Variants in BIRC2 observed in about 807,000 individuals in gnomAD.
BIRC2 encodes the protein baculoviral IAP repeat containing 2, also known as baculoviral IAP repeat-containing protein 2.
BIRC2 carries 18 observed loss-of-function variants against 60.9 expected under a neutral mutation model. The ratio of observed to expected loss-of-function variants is 0.30; its 90% confidence interval spans 0.20 to 0.44. The LOEUF (loss-of-function observed/expected upper bound fraction) is 0.44, where lower values mean the gene tolerates loss of function less well. Among genes scored for constraint, BIRC2 ranks in the 20% least tolerant of loss-of-function variants. The pLI, the probability that BIRC2 is intolerant of heterozygous loss-of-function variation, is 1.00. For missense variants in BIRC2, 701 were observed against 728.5 expected, an observed-to-expected ratio of 0.96 and a Z score of 0.43; for synonymous variants, 282 against 247.7, an observed-to-expected ratio of 1.14 and a Z score of -1.30.
intron 3 of BIRC2, 45 bp downstream of exon 3, chr11:102,350,988 A>G (rs1484523043): frequency 6.3e-7 from 1 of 1,578,168 alleles, no homozygotes; most frequent in South Asian, 1.1e-5. Flanking sequence ...CTCTGTGCTT[A>G]AAAGAAGTAG....
chr11:102,365,743 A>AGTGTGTGTGTGTGT (rs34130638), intron 5 of BIRC2, among the ~76,000 whole-genome samples: 29 of 147,568 alleles, frequency 2.0e-4, no homozygotes, highest in African/African-American at 6.5e-4. Context: ...CATTCAGCTA[A>AGTGTGTGTGTGTGT]GTGTGTGTGT....
At chr11:102,365,045 G>A (rs1951538235) in intron 5 of BIRC2, among the ~76,000 whole-genome samples, 1 of 152,102 alleles carries the variant, frequency 6.6e-6, no homozygotes, top group Admixed American at 6.5e-5. Context: ...TTATAATCTT[G>A]CTTCCCTAAG....
chr11:102,373,242 G>A (rs1184513196), intron 6 of BIRC2, among the ~76,000 whole-genome samples: 1 of 152,144 alleles, frequency 6.6e-6, no homozygotes. Context: ...CTCGTTAGTT[G>A]ATGCAGTTTC....
At chr11:102,354,770 T>A (rs1951402065) in intron 3 of BIRC2, among the ~76,000 whole-genome samples, 1 of 152,202 alleles carries the variant, frequency 6.6e-6, no homozygotes, top group Non-Finnish European at 1.5e-5. Flanking sequence ...TTGTCTCCGA[T>A]GATAATAAGG....
chr11:102,363,756 TA>T lies in BIRC2; in HGVS notation c.1123+41del, dbSNP rs1951511956. On this transcript the variant is annotated intron_variant, in intron 5 of 8. Transcript: ENST00000227758. Reference sequence around the variant, plus strand: ...ATTTTAAGTATAGAGTGTAAATTTTTATAAGAATTTTAGGAATAGGCTGGGT... The same window carrying T: ...ATTTTAAGTATAGAGTGTAAATTTTTTAAGAATTTTAGGAATAGGCTGGGT... The T allele has an allele frequency of 1.3e-6, 2 of 1,546,478 alleles. 1 individual carries two copies. Among genetic ancestry groups the T allele is most frequent in the East Asian group, 4.5e-5 (2 of 43,994 alleles).
Position 102,349,792 on chromosome 11 carries a change from T to G in BIRC2, c.-63T>G. 1 of 1,473,882 alleles carries G rather than the reference T, an allele frequency of 6.8e-7. No homozygotes were observed. The highest frequency in any genetic ancestry group is 9.1e-7 in the Non-Finnish European group (1 of 1,095,286). 91.3% of individuals were successfully genotyped at this position (1,473,882 alleles called of 1,614,324 possible). A position where few individuals can be genotyped will look rare whatever the true frequency, so the allele number is the denominator to read the frequency against. ...TTGATTTCTTTTTGTGGTAAAAATC[T>G]TAGTTCATGTGAAGAAATTTCATGT... is the stretch of plus-strand genomic sequence containing the variant. On this transcript the variant is annotated 5_prime_UTR_variant, in exon 2 of 9. Coordinates refer to ENST00000227758, the MANE Select transcript of BIRC2 (RefSeq NM_001166.5).
At chr11:102,359,894 A>C (rs1245675038) in intron 3 of BIRC2, among the ~76,000 whole-genome samples, 4 of 149,820 alleles carry the variant, frequency 2.7e-5, no homozygotes, top group Non-Finnish European at 6.0e-5. Context: ...TGAAGTTTTC[A>C]GCATTTTTTT....
intron 6 of BIRC2, among the ~76,000 whole-genome samples, chr11:102,369,751 C>T (rs1291065351): frequency 6.7e-6 from 1 of 148,938 alleles, no homozygotes; most frequent in African/African-American, 2.5e-5. Flanking sequence ...CTGACTTCCA[C>T]AATGCTTGAA....
In BIRC2 at chr11:102,350,352, T is replaced by A. The variant is rs1951343765; in HGVS notation, c.498T>A (p.Val166=). The part of the protein sequence containing the change: ...LSPNPLNSRA[V]EDISSSRTNP... ...CAAACCCTCTTAATTCTAGAGCAGT[T>A]GAAGACATCTCTTCATCGAGGACTA... The change falls in exon 2 of 9, where the codon GTT becomes GTA. Residue 166 remains valine, a synonymous_variant. Transcript: ENST00000227758. 2.5e-6 allele frequency: 4 copies of A among 1,614,234 alleles called. No individual in the cohort carries two copies. Among genetic ancestry groups the A allele is most frequent in the Non-Finnish European group, 3.4e-6 (4 of 1,180,042 alleles).
At position 102,378,132 on chromosome 11, in the gene BIRC2, C is replaced by T. The variant is rs773571874; in HGVS notation, c.1806C>T (p.Cys602=). ...CQECAPSLRK[C]PICRGIIKGT... ...AATGTGCCCCTTCTCTAAGAAAATG[C>T]CCTATTTGCAGGGGTATAATCAAGG... Residue 602 remains cysteine, a synonymous_variant, in exon 9 of 9, where the codon TGC becomes TGT. Transcript: ENST00000227758. 3.7e-6 allele frequency: 6 copies of T among 1,613,214 alleles called. No homozygotes were observed. Among genetic ancestry groups the T allele is most frequent in the Middle Eastern group, 1.7e-4 (1 of 6,058 alleles).
chr11:102,365,443 A>G (rs976327827), intron 5 of BIRC2, among the ~76,000 whole-genome samples: 2 of 152,190 alleles, frequency 1.3e-5, no homozygotes, highest in African/African-American at 4.8e-5. Flanking sequence ...ACTCTGTTTT[A>G]CTTCCTCACC....
chr11:102,348,268 T>G (rs1313927703), intron 1 of BIRC2: 3 of 152,432 alleles, frequency 2.0e-5, no homozygotes, highest in Non-Finnish European at 2.9e-5. Context: ...CAATGTGCCT[T>G]TGCCTCCAGC....
At chr11:102,353,528 G>A (rs1180181572) in intron 3 of BIRC2, among the ~76,000 whole-genome samples, 1 of 152,056 alleles carries the variant, frequency 6.6e-6, no homozygotes, top group Non-Finnish European at 1.5e-5. Flanking sequence ...ATGTTGGCCA[G>A]TCTAGTCTCA....
At chr11:102,358,045 A>G (rs376044317) in intron 3 of BIRC2, among the ~76,000 whole-genome samples, 6 of 152,054 alleles carry the variant, frequency 3.9e-5, no homozygotes, top group Admixed American at 2.0e-4. Flanking sequence ...CAGCTTTCCA[A>G]CTTTCATTCT....
intron 8 of BIRC2, 35 bp downstream of exon 8, chr11:102,377,933 AC>A (rs1951733588): frequency 6.2e-7 from 1 of 1,602,024 alleles, no homozygotes; most frequent in Admixed American, 1.7e-5. Flanking sequence ...ATGAACTATT[AC>A]CCTTTTTTTT....
chr11:102,347,674 G>C (rs758577667), intron 1 of BIRC2: 3 of 152,164 alleles, frequency 2.0e-5, no homozygotes, highest in Non-Finnish European at 4.4e-5. Flanking sequence ...ATGTTTTCTC[G>C]CAGTTTTTGC....
At position 102,377,653 on chromosome 11, in the gene BIRC2, A is replaced by G; in HGVS notation, c.1524A>G (p.Glu508=). 6.2e-7 allele frequency: 1 copy of G among 1,610,514 alleles called. No homozygotes were observed. The highest frequency in any genetic ancestry group is 8.5e-7 in the Non-Finnish European group (1 of 1,179,122). ...QKTQIPLQAR[E]LIDTILVKGN... ...CACAGATACCTTTACAAGCGAGAGA[A>G]CTGATTGATACCATTTTGGTTAAAG... The change falls in exon 7 of 9, where the codon GAA becomes GAG. Residue 508 remains glutamate (E), a synonymous_variant. Coordinates refer to ENST00000227758, the MANE Select transcript of BIRC2 (RefSeq NM_001166.5).
At chr11:102,358,397 C>A (rs1395109460) in intron 3 of BIRC2, among the ~76,000 whole-genome samples, 1 of 152,088 alleles carries the variant, frequency 6.6e-6, no homozygotes, top group Non-Finnish European at 1.5e-5. Flanking sequence ...GGCAGGTATT[C>A]CCAAATCTAA....
chr11:102,363,600 T>C (rs1327020101), intron 4 of BIRC2, 68 bp from the exon 5 acceptor site: 1 of 1,199,122 alleles, frequency 8.3e-7, no homozygotes, highest in Non-Finnish European at 1.2e-6. Flanking sequence ...AAGCTTATTT[T>C]AGTGTTGTTC....
Sources: gnomAD v4.1 joint callset for allele counts (sites outside exome capture counted in the v4.1 genomes callset) on GRCh38, gnomAD v4.1.1 for gene constraint, MANE v1.5 for transcripts, NCBI Gene and HGNC (gene_info 2026-07-23, HGNC 2026-07-21) for gene names.